The following KIAA0753 variants were observed in gnomAD, a reference collection of about 807,000 sequenced individuals.
KIAA0753 encodes the protein protein moonraker.
A neutral mutation model predicts 116.9 loss-of-function variants in KIAA0753; 114 were observed. The observed-to-expected ratio is 0.98, with a 90% CI of 0.84 to 1.14. The LOEUF (loss-of-function observed/expected upper bound fraction) is 1.14. KIAA0753 is among the 50% of genes most tolerant of loss of function. KIAA0753 has a pLI of 0.00. For missense variants in KIAA0753, 1,156 were observed against 1,172.4 expected (o/e 0.99, Z 0.20); for synonymous variants, 405 against 413.1 (o/e 0.98, Z 0.24).
chr17:6,617,051 T>C (rs1970981897), intron 7 of KIAA0753, among the ~76,000 whole-genome samples: 2 of 152,194 alleles, frequency 1.3e-5, no homozygotes, highest in African/African-American at 4.8e-5. Flanking sequence ...CCTCAAATCT[T>C]CTACCTCATT....
Position 6,620,978 on chromosome 17 carries a change from T to C in KIAA0753, c.1125A>G (p.Glu375=). The change falls in exon 7 of 19, where the codon GAA becomes GAG. Residue 375 remains glutamate (E), a synonymous_variant. Transcript: ENST00000361413. ...QQIEALESLL[E]KKLSPKKVKK... The stretch of plus-strand genomic sequence containing the variant: ...TCACCTTTTTTGGTGACAGTTTCTT[T>C]TCCAGGAGAGATTCCAAAGCCTGCC... The C allele has an allele frequency of 6.2e-7, 1 of 1,613,032 alleles. No individual in the cohort carries two copies. Among genetic ancestry groups the C allele is most frequent in the Admixed American group, 1.7e-5 (1 of 59,978 alleles).
intron 2 of KIAA0753, among the ~76,000 whole-genome samples, chr17:6,633,071 T>C (rs12949971): frequency 0.12 from 18,062 of 152,202 alleles, 1,664 homozygotes; most frequent in East Asian, 0.36. Flanking sequence ...CATTGTACTA[T>C]GGTTATATAA....
At chr17:6,604,715 G>A (rs146069169) in intron 12 of KIAA0753, among the ~76,000 whole-genome samples, 4 of 151,890 alleles carry the variant, frequency 2.6e-5, no homozygotes, top group African/African-American at 4.8e-5. Flanking sequence ...TCTGTATCTC[G>A]ACTATACCAA....
At chr17:6,591,103 A>AGAAGAG (rs1567541071) in intron 16 of KIAA0753, among the ~76,000 whole-genome samples, 17 of 147,790 alleles carry the variant, frequency 1.2e-4, no homozygotes, top group African/African-American at 2.2e-4. Flanking sequence ...AAGAAGAAGA[A>AGAAGAG]GAAGAAAACA....
chr17:6,596,486 T>C (rs761869916), intron 14 of KIAA0753, 143 bp from the exon 15 acceptor site: 3 of 635,308 alleles, frequency 4.7e-6, no homozygotes, highest in South Asian at 4.3e-5. Flanking sequence ...AGAGTTTCTA[T>C]GGTAAAACAA....
chr17:6,620,456 T>C (rs1389837285), intron 7 of KIAA0753, among the ~76,000 whole-genome samples: 1 of 151,452 alleles, frequency 6.6e-6, no homozygotes, highest in Non-Finnish European at 1.5e-5. Flanking sequence ...ATAGAATGTA[T>C]GTGTGTGTCT....
chr17:6,629,843 G>A lies in KIAA0753; in HGVS notation c.94-1102C>T, dbSNP rs143866709. On this transcript the variant is annotated intron_variant, in intron 2 of 18. Coordinates refer to ENST00000361413, the MANE Select transcript of KIAA0753 (RefSeq NM_014804.3). The stretch of plus-strand genomic sequence containing the variant: ...AAAAGTAGTTAGAAAGCTCACTAAA[G>A]AAAAAACAAATAGGTACCATCTGAA... Among the ~76,000 whole-genome samples the A allele has an allele frequency of 1.5e-4, 23 of 152,270 alleles. No individual in the cohort carries two copies. In the East Asian group the frequency reaches 2.9e-3, roughly 19 times the overall value.
Position 6,579,818 on chromosome 17 carries a change from C to G in KIAA0753, c.2833G>C (p.Glu945Gln). The G allele has an allele frequency of 6.2e-7, 1 of 1,613,968 alleles. No homozygotes were observed. Among genetic ancestry groups the G allele is most frequent in the Non-Finnish European group, 8.5e-7 (1 of 1,180,002 alleles). ...VDEALGAVAA[E>Q]LQDMCEDYAE... ...TAATCTTCGCACATATCCTGAAGTT[C>G]AGCAGCCACAGCACCCAGAGCTTCA... The change falls in exon 19 of 19, where the codon GAA (glutamate) becomes CAA (glutamine). Residue 945 changes from glutamate (E) to glutamine (Q), a missense_variant. Coordinates refer to ENST00000361413, the MANE Select transcript of KIAA0753 (RefSeq NM_014804.3).
intron 10 of KIAA0753, among the ~76,000 whole-genome samples, chr17:6,607,809 C>G (rs1970288299): frequency 6.6e-6 from 1 of 152,194 alleles, no homozygotes; most frequent in Non-Finnish European, 1.5e-5. Flanking sequence ...TCTCACTGTT[C>G]TCTTCTTATG....
intron 12 of KIAA0753, among the ~76,000 whole-genome samples, chr17:6,602,479 C>T (rs944863538): frequency 3.9e-5 from 6 of 152,160 alleles, no homozygotes; most frequent in African/African-American, 1.4e-4. Context: ...GTGGATGAAT[C>T]GTAAACATTT....
chr17:6,610,592 C>A (rs1173125547), intron 8 of KIAA0753, among the ~76,000 whole-genome samples: 1 of 137,024 alleles, frequency 7.3e-6, no homozygotes, highest in East Asian at 2.2e-4. Context: ...ATGATCATAG[C>A]TCACTGCAGC....
At chr17:6,607,530 G>T (rs191932654) in intron 10 of KIAA0753, among the ~76,000 whole-genome samples, 1 of 152,168 alleles carries the variant, frequency 6.6e-6, no homozygotes, top group Middle Eastern at 3.4e-3. Flanking sequence ...CTCAGACTTG[G>T]GGTTTCTTAT....
intron 2 of KIAA0753, 102 bp downstream of exon 2, chr17:6,634,909 C>T: frequency 1.4e-6 from 1 of 739,036 alleles, no homozygotes; most frequent in Non-Finnish European, 2.3e-6. Context: ...TTAGCAATTG[C>T]TGAATCTAGG....
At position 6,635,066 on chromosome 17, in the gene KIAA0753, A is replaced by G. The variant is rs1306433423; in HGVS notation, c.38T>C (p.Leu13Pro). Residue 13 changes from leucine to proline, a missense_variant, in exon 2 of 19, where the codon CTA (leucine) becomes CCA (proline). Coordinates refer to ENST00000361413, the MANE Select transcript of KIAA0753 (RefSeq NM_014804.3). ...PGQPASTCVH[L>P]APRTQLDGRS... Reference sequence around the variant, plus strand: ...CCCATCAAGTTGGGTCCTAGGTGCTAGATGAACACAGGTTGAAGCTGGCTG... The same window carrying G: ...CCCATCAAGTTGGGTCCTAGGTGCTGGATGAACACAGGTTGAAGCTGGCTG... 6.2e-7 allele frequency: 1 copy of G among 1,614,002 alleles called. No homozygotes were observed. The highest frequency in any genetic ancestry group is 2.2e-5 in the East Asian group (1 of 44,866).
chr17:6,584,070 T>C (rs768568753), intron 18 of KIAA0753, among the ~76,000 whole-genome samples: 1 of 152,234 alleles, frequency 6.6e-6, no homozygotes, highest in Non-Finnish European at 1.5e-5. Flanking sequence ...CCAGGTCACC[T>C]GTACTTCCAG....
At chr17:6,635,396 C>G (rs993174536) in intron 1 of KIAA0753, 3 of 207,410 alleles carry the variant, frequency 1.4e-5, no homozygotes, top group African/African-American at 8.2e-5. Flanking sequence ...TAGGGGAACA[C>G]TTACTATTTT....
intron 14 of KIAA0753, 37 bp from the exon 15 acceptor site, chr17:6,596,380 G>C (rs749700299): frequency 6.9e-7 from 1 of 1,456,000 alleles, no homozygotes; most frequent in Non-Finnish European, 9.5e-7. Context: ...AGAGGCATGG[G>C]GTGGATTAGG....
chr17:6,595,564 G>A (rs542815094), intron 15 of KIAA0753, among the ~76,000 whole-genome samples: 2 of 152,272 alleles, frequency 1.3e-5, no homozygotes, highest in Admixed American at 6.5e-5. Flanking sequence ...ATCATGGTGC[G>A]ATGGAAAAGA....
chr17:6,607,103 A>T (rs1026467098), intron 11 of KIAA0753, 78 bp downstream of exon 11: 3 of 1,397,940 alleles, frequency 2.1e-6, no homozygotes, highest in Non-Finnish European at 2.0e-6. Flanking sequence ...AGACCTAAAT[A>T]ATCTCTATTT....
Sources: gnomAD v4.1 joint callset for allele counts (sites outside exome capture counted in the v4.1 genomes callset) on GRCh38, gnomAD v4.1.1 for gene constraint, MANE v1.5 for transcripts, NCBI Gene and HGNC (gene_info 2026-07-23, HGNC 2026-07-21) for gene names.